The following AP4S1 variants were observed in gnomAD, a reference collection of about 807,000 sequenced individuals.
AP4S1 encodes the protein AP-4 complex subunit sigma-1.
Under a neutral mutation model 19.8 loss-of-function variants are expected in AP4S1, and 23 were observed. The ratio of observed to expected loss-of-function variants is 1.16; its 90% CI spans 0.84 to 1.65. AP4S1 has a LOEUF of 1.65. Among genes scored for constraint, AP4S1 ranks in the 40% most tolerant of loss-of-function variants. The pLI is 0.00. For synonymous variants in AP4S1, 46 were observed against 54.1 expected (o/e 0.85, Z 0.66); for missense variants, 166 against 172.8 (o/e 0.96, Z 0.22).
At chr14:31,037,879 GAGTTCCA>G (rs1159029299) in intron 1 of AP4S1, among the ~76,000 whole-genome samples, 3 of 152,198 alleles carry the variant, frequency 2.0e-5, no homozygotes, top group Non-Finnish European at 4.4e-5. Context: ...TTGAGTCCAA[GAGTTCCA>G]GGGTGTAGTG....
At chr14:31,063,666 A>C (rs1048186930) in intron 1 of AP4S1, among the ~76,000 whole-genome samples, 1 of 152,192 alleles carries the variant, frequency 6.6e-6, no homozygotes. Flanking sequence ...AGACCAGAAC[A>C]GACTAAAGCA....
chr14:31,040,071 C>T (rs929545945), intron 1 of AP4S1, among the ~76,000 whole-genome samples: 5 of 151,672 alleles, frequency 3.3e-5, no homozygotes, highest in East Asian at 1.9e-4. Context: ...AATCCCAGTA[C>T]TGCACTTAAA....
chr14:31,040,148 C>CT (rs148109049), intron 1 of AP4S1, among the ~76,000 whole-genome samples: 101,961 of 129,496 alleles, frequency 0.79, 40,422 homozygotes, highest in African/African-American at 0.83. Flanking sequence ...TACTCTGCAT[C>CT]TTTTTTTTTT....
At chr14:31,028,998 T>G (rs1248324128) in intron 1 of AP4S1, among the ~76,000 whole-genome samples, 1 of 152,224 alleles carries the variant, frequency 6.6e-6, no homozygotes, top group East Asian at 1.9e-4. Flanking sequence ...AAGGAAAGAC[T>G]GGATTTCTTA....
At chr14:31,072,242 A>AT (rs932307834) in intron 3 of AP4S1, among the ~76,000 whole-genome samples, 3 of 151,780 alleles carry the variant, frequency 2.0e-5, no homozygotes, top group East Asian at 3.9e-4. Context: ...CGCCAAGCCT[A>AT]TTTTTTTATT....
chr14:31,031,771 T>C (rs1234772064), intron 1 of AP4S1, among the ~76,000 whole-genome samples: 2 of 152,142 alleles, frequency 1.3e-5, no homozygotes, highest in African/African-American at 4.8e-5. Flanking sequence ...TCATTTCCTC[T>C]CTTAAAGCTC....
upstream of AP4S1, chr14:31,025,275 CAAGT>C (rs1883753811): frequency 1.3e-5 from 2 of 153,606 alleles, no homozygotes; most frequent in Middle Eastern, 3.4e-3. Context: ...ACAGAGAATC[CAAGT>C]GAGTAAGGCA....
At chr14:31,073,812 G>C (rs977851771) in intron 4 of AP4S1, among the ~76,000 whole-genome samples, 1 of 150,838 alleles carries the variant, frequency 6.6e-6, no homozygotes, top group African/African-American at 2.4e-5. Flanking sequence ...CCAAAGTGCT[G>C]GGATTACAGG....
intron 1 of AP4S1, 88 bp from the exon 2 acceptor site, chr14:31,066,038 A>G (rs1270238316): frequency 1.5e-6 from 1 of 646,092 alleles, no homozygotes; most frequent in Non-Finnish European, 2.7e-6. Context: ...CTACTACTTT[A>G]TTTACTGTTT....
At chr14:31,046,658 A>G (rs1408096600) in intron 1 of AP4S1, among the ~76,000 whole-genome samples, 2 of 152,132 alleles carry the variant, frequency 1.3e-5, no homozygotes, top group Admixed American at 1.3e-4. Flanking sequence ...ATCCAGGATA[A>G]CACGGTGAAA....
intron 1 of AP4S1, among the ~76,000 whole-genome samples, chr14:31,044,812 G>C (rs896946677): frequency 6.6e-6 from 1 of 151,918 alleles, no homozygotes; most frequent in East Asian, 1.9e-4. Context: ...AAGGGTAATC[G>C]TTCACATTTC....
intron 1 of AP4S1, among the ~76,000 whole-genome samples, chr14:31,046,517 A>G (rs1885412984): frequency 6.6e-6 from 1 of 152,152 alleles, no homozygotes; most frequent in Non-Finnish European, 1.5e-5. Context: ...ATTAGCTGAT[A>G]GAAATGTTTT....
rs563077102 is a variant in AP4S1 at position 31,055,435 on chromosome 14, A to T, written c.-71-10691A>T. On this transcript the variant is annotated intron_variant, in intron 1 of 5. Transcript: ENST00000542754. ...GCCTAGCCTGTTCTAGGAATGTTAC[A>T]TATCCTAACTCCTTTAATTCTCACA... is the stretch of plus-strand genomic sequence containing the variant. 3.9e-5 allele frequency among the ~76,000 whole-genome samples: 6 copies of T among 152,320 alleles called. No individual in the cohort carries two copies. The South Asian group carries it at 1.2e-3, about 32-fold the overall frequency.
At chr14:31,064,259 T>A (rs1886596504) in intron 1 of AP4S1, among the ~76,000 whole-genome samples, 1 of 152,100 alleles carries the variant, frequency 6.6e-6, no homozygotes, top group Non-Finnish European at 1.5e-5. Flanking sequence ...TCTTTTCTTT[T>A]TCTTTTTTTT....
chr14:31,025,609 C>A, upstream of AP4S1: 1 of 481,006 alleles, frequency 2.1e-6, no homozygotes. Context: ...CCCCGGAGGC[C>A]CGGGAAGGCC....
At chr14:31,025,234 G>A (rs568908450), upstream of AP4S1, 1 of 152,556 alleles carries the variant, frequency 6.6e-6, no homozygotes, top group Admixed American at 6.5e-5. Flanking sequence ...AGTGCTGAAA[G>A]CGTTGATGAG....
chr14:31,026,393 A>C, intron 1 of AP4S1: 7 of 159,910 alleles, frequency 4.4e-5, no homozygotes, highest in South Asian at 1.1e-4. Flanking sequence ...CGTCTCACTC[A>C]CTCACTTTAG....
At chr14:31,080,293 C>T (rs1439874389) in intron 4 of AP4S1, among the ~76,000 whole-genome samples, 1 of 152,206 alleles carries the variant, frequency 6.6e-6, no homozygotes, top group East Asian at 1.9e-4. Flanking sequence ...ATCAAATTAC[C>T]TACATCTGTA....
intron 4 of AP4S1, among the ~76,000 whole-genome samples, chr14:31,073,833 C>T (rs1382373228): frequency 6.6e-6 from 1 of 151,512 alleles, no homozygotes; most frequent in African/African-American, 2.4e-5. Flanking sequence ...CGTGAGCCAC[C>T]GTGCCTGGCC....
Sources: gnomAD v4.1 joint callset for allele counts (sites outside exome capture counted in the v4.1 genomes callset) on GRCh38, gnomAD v4.1.1 for gene constraint, MANE v1.5 for transcripts, NCBI Gene and HGNC (gene_info 2026-07-23, HGNC 2026-07-21) for gene names.